CD33: variants seen among roughly 807,000 people sequenced by gnomAD.
CD33 encodes the protein CD33 molecule.
Under a neutral mutation model 31.4 loss-of-function variants are expected in CD33, and 25 were observed. The observed-to-expected ratio is 0.80, with a 90% CI of 0.58 to 1.11. CD33 has a LOEUF of 1.11. Ranked by LOEUF, CD33 falls within the 50% of genes most tolerant of loss-of-function variation. The pLI, the probability that CD33 is intolerant of heterozygous loss-of-function variation, is 0.00. For synonymous variants in CD33, 176 were observed against 180.6 expected (o/e 0.97, Z 0.20); for missense variants, 407 against 448.1 (o/e 0.91, Z 0.83).
intron 4 of CD33, among the ~76,000 whole-genome samples, chr19:51,228,901 C>T (rs897537979): frequency 8.5e-5 from 13 of 152,178 alleles, no homozygotes; most frequent in African/African-American, 2.7e-4. Context: ...ATTTCTTTCT[C>T]TTGCCTAATT....
At chr19:51,214,205 T>C in the CD33 span, among the ~76,000 whole-genome samples, 41 of 146,024 alleles carry the variant, frequency 2.8e-4, 1 homozygote, top group South Asian at 6.5e-4. Flanking sequence ...TTCTTTCTTT[T>C]TTTTTTTTTT....
chr19:51,235,730 A>T, intron 6 of CD33, 54 bp downstream of exon 6: 2 of 1,418,204 alleles, frequency 1.4e-6, no homozygotes, highest in South Asian at 1.2e-5. Flanking sequence ...CCTCCTCCCA[A>T]TGTGGCCCAC....
the CD33 span, among the ~76,000 whole-genome samples, chr19:51,215,609 C>G: frequency 6.6e-6 from 1 of 152,150 alleles, no homozygotes; most frequent in East Asian, 1.9e-4. Flanking sequence ...TGACTTCTTT[C>G]TGTGGCCCCC....
the CD33 span, chr19:51,212,195 A>C: frequency 1.0e-5 from 4 of 381,976 alleles, no homozygotes; most frequent in South Asian, 9.2e-5. Flanking sequence ...TAGAAGACCT[A>C]GGCCACAAGC....
At position 51,225,838 on chromosome 19, in the gene CD33, A is replaced by C. The variant is rs760553029; in HGVS notation, c.454A>C (p.Thr152Pro). 2.5e-5 allele frequency: 41 copies of C among 1,613,390 alleles called. No homozygotes were observed. In the African/African-American group the frequency reaches 5.1e-4, roughly 20 times the overall value. The change falls in exon 3 of 7, where the codon ACT (threonine) becomes CCT (proline). Residue 152 changes from threonine (T) to proline (P), a missense_variant. By Grantham distance (38) the Thr-to-Pro change is conservative (BLOSUM62 -1). Coordinates refer to ENST00000262262, the MANE Select transcript of CD33 (RefSeq NM_001772.4). ...CAGGCCCAAAATCCTCATCCCTGGC[A>C]CTCTAGAACCCGGCCACTCCAAAAA... is the stretch of plus-strand genomic sequence containing the variant. ...THRPKILIPG[T>P]LEPGHSKNLT...
upstream of CD33, among the ~76,000 whole-genome samples, chr19:51,222,528 A>G (rs1440991254): frequency 6.6e-6 from 1 of 152,264 alleles, no homozygotes; most frequent in African/African-American, 2.4e-5. Flanking sequence ...ATGGAATACT[A>G]CTTAACAATA....
intron 6 of CD33, 76 bp from the exon 7 acceptor site, chr19:51,239,442 T>C: frequency 8.9e-7 from 1 of 1,120,676 alleles, no homozygotes; most frequent in Non-Finnish European, 1.3e-6. Context: ...CAAATTTACT[T>C]CATTGACCCT....
At chr19:51,236,123 A>G (rs1981788740) in intron 6 of CD33, 2 of 428,756 alleles carry the variant, frequency 4.7e-6, no homozygotes, top group Non-Finnish European at 8.7e-6. Flanking sequence ...GCACCACTGC[A>G]CTCCAGCCTG....
At chr19:51,234,046 T>A (rs374060775) in intron 4 of CD33, among the ~76,000 whole-genome samples, 6 of 152,188 alleles carry the variant, frequency 3.9e-5, no homozygotes, top group East Asian at 1.9e-4. Flanking sequence ...CATTTTTTTT[T>A]AATAGGTTTT....
upstream of CD33, among the ~76,000 whole-genome samples, chr19:51,224,607 G>C (rs533400822): frequency 4.6e-5 from 7 of 152,214 alleles, no homozygotes; most frequent in African/African-American, 1.7e-4. Context: ...TAAATGAATG[G>C]CTGCCACCTT....
chr19:51,230,650 C>T (rs930045897), intron 4 of CD33, among the ~76,000 whole-genome samples: 4 of 152,066 alleles, frequency 2.6e-5, no homozygotes, highest in African/African-American at 9.7e-5. Context: ...ACTTGTAGTC[C>T]GTTTTGTCTG....
intron 4 of CD33, among the ~76,000 whole-genome samples, chr19:51,234,873 T>C (rs915761641): frequency 2.0e-5 from 3 of 152,206 alleles, no homozygotes; most frequent in African/African-American, 7.2e-5. Context: ...TCAGGGGCTA[T>C]GTCTGAGGTT....
chr19:51,222,746 G>A (rs934893985), upstream of CD33, among the ~76,000 whole-genome samples: 6 of 152,186 alleles, frequency 3.9e-5, no homozygotes, highest in Non-Finnish European at 7.4e-5. Context: ...TATCTGCAGT[G>A]TGGTGAGTAT....
the CD33 span, among the ~76,000 whole-genome samples, chr19:51,219,597 T>C: frequency 6.6e-6 from 1 of 152,202 alleles, no homozygotes; most frequent in African/African-American, 2.4e-5. Flanking sequence ...ATCCTTGTCT[T>C]GTTCCAGTTC....
intron 4 of CD33, among the ~76,000 whole-genome samples, chr19:51,228,537 C>T (rs1428599607): frequency 6.6e-6 from 1 of 152,142 alleles, no homozygotes; most frequent in Non-Finnish European, 1.5e-5. Context: ...ATGTGATTGC[C>T]TTCCTGATTT....
chr19:51,235,085 C>A, intron 4 of CD33, 72 bp from the exon 5 acceptor site: 1 of 1,258,002 alleles, frequency 7.9e-7, no homozygotes, highest in South Asian at 1.2e-5. Flanking sequence ...CCCCTCTCTA[C>A]ATGCTGGAGA....
At chr19:51,213,756 G>C in the CD33 span, among the ~76,000 whole-genome samples, 1 of 150,700 alleles carries the variant, frequency 6.6e-6, no homozygotes, top group African/African-American at 2.4e-5. Context: ...GGCTGATATC[G>C]AACTCCTGAC....
At position 51,233,046 on chromosome 19, in the gene CD33, G is replaced by A. The variant is rs77086640; in HGVS notation, c.746-2111G>A. 9.8e-5 allele frequency among the ~76,000 whole-genome samples: 15 copies of A among 152,318 alleles called. 2 individuals carry two copies. Among genetic ancestry groups the A allele is most frequent in the African/African-American group, 3.6e-4 (15 of 41,574 alleles). ...GCCCATGGGGCTGTTTCTCAGGCCT[G>A]GAATGCAAGCACATTCTGCCTGGGG... On this transcript the variant is annotated intron_variant, in intron 4 of 6. Transcript: ENST00000262262.
chr19:51,215,461 C>G, the CD33 span, among the ~76,000 whole-genome samples: 1 of 152,148 alleles, frequency 6.6e-6, no homozygotes, highest in African/African-American at 2.4e-5. Context: ...TTATATGCCC[C>G]GATCTCTTCA....
Sources: gnomAD v4.1 joint callset for allele counts (sites outside exome capture counted in the v4.1 genomes callset) on GRCh38, gnomAD v4.1.1 for gene constraint, MANE v1.5 for transcripts, NCBI Gene and HGNC (gene_info 2026-07-23, HGNC 2026-07-21) for gene names.